CDYL: variants seen among roughly 807,000 people sequenced by gnomAD.
CDYL encodes the protein chromodomain Y like.
In CDYL, 8 loss-of-function variants were observed where a neutral mutation model predicts 47.3. The ratio of observed to expected loss-of-function variants is 0.17; its 90% CI spans 0.10 to 0.31. The LOEUF is 0.31. Ranked by LOEUF, CDYL falls within the 10% of genes least tolerant of loss-of-function variation. The pLI, the probability that CDYL is intolerant of heterozygous loss-of-function variation, is 1.00. For missense variants in CDYL, 471 were observed against 701.4 expected (o/e 0.67, Z 3.71); for synonymous variants, 266 against 265.0 (o/e 1.00, Z -0.04).
chr6:4,911,854 G>T (rs1757423572), intron 2 of CDYL, among the ~76,000 whole-genome samples: 1 of 152,112 alleles, frequency 6.6e-6, no homozygotes, highest in Non-Finnish European at 1.5e-5. Flanking sequence ...CTCAGCGAAG[G>T]AATCAAAAAG....
intron 3 of CDYL, among the ~76,000 whole-genome samples, chr6:4,737,800 C>T (rs1300650465): frequency 6.6e-6 from 1 of 152,046 alleles, no homozygotes; most frequent in East Asian, 1.9e-4. Context: ...GCTGGGATTA[C>T]AGGTGTGAGC....
intron 1 of CDYL, among the ~76,000 whole-genome samples, chr6:4,871,436 C>G (rs761158605): frequency 1.3e-5 from 2 of 152,128 alleles, no homozygotes; most frequent in African/African-American, 4.8e-5. Flanking sequence ...TTGTTCAACC[C>G]GTACTATATC....
intron 2 of CDYL, among the ~76,000 whole-genome samples, chr6:4,928,285 T>A (rs775582886): frequency 6.6e-6 from 1 of 152,202 alleles, no homozygotes; most frequent in Non-Finnish European, 1.5e-5. Context: ...TGAGGGGGGC[T>A]GTCTTTTTAT....
At chr6:4,837,783 C>T (rs905491134) in intron 1 of CDYL, among the ~76,000 whole-genome samples, 12 of 136,652 alleles carry the variant, frequency 8.8e-5, no homozygotes, top group Admixed American at 7.3e-4. Context: ...TTTCTTTTCC[C>T]GTTGGTTTAA....
intron 1 of CDYL, among the ~76,000 whole-genome samples, chr6:4,867,772 G>GTT (rs36074293): frequency 0.034 from 4,431 of 131,988 alleles, 225 homozygotes; most frequent in African/African-American, 0.11. Context: ...TTGTTGTGGG[G>GTT]TTTTTTTTTT....
At chr6:4,797,976 T>C (rs1759123054) in intron 1 of CDYL, among the ~76,000 whole-genome samples, 1 of 152,104 alleles carries the variant, frequency 6.6e-6, no homozygotes, top group Non-Finnish European at 1.5e-5. Flanking sequence ...TTTTTTTCTT[T>C]TCTTCCTTTT....
intron 1 of CDYL, among the ~76,000 whole-genome samples, chr6:4,784,557 T>C (rs953791218): frequency 1.3e-5 from 2 of 152,236 alleles, no homozygotes; most frequent in Non-Finnish European, 2.9e-5. Context: ...TGGATTATAA[T>C]AGTTATAACG....
At chr6:4,753,185 G>C (rs1047297820) in intron 3 of CDYL, among the ~76,000 whole-genome samples, 1 of 152,160 alleles carries the variant, frequency 6.6e-6, no homozygotes, top group African/African-American at 2.4e-5. Flanking sequence ...GTGGGGGATG[G>C]AAAGCATGAG....
rs189323241 is a variant in CDYL at position 4,857,439 on chromosome 6, A to C, written c.25-34274A>C. ...GGGAGGACTTCCCTTCGTGGGGCAA[A>C]ATATGCTGAAATTCTTGAGAAATAA... On this transcript the variant is annotated intron_variant, in intron 1 of 6. Coordinates refer to ENST00000397588, the MANE Select transcript of CDYL (RefSeq NM_004824.4). Among the ~76,000 whole-genome samples the C allele has an allele frequency of 5.3e-5, 8 of 152,292 alleles. No homozygotes were observed. In the East Asian group the frequency reaches 1.5e-3, roughly 29 times the overall value.
intron 3 of CDYL, among the ~76,000 whole-genome samples, chr6:4,755,812 C>A (rs1461128410): frequency 1.3e-5 from 2 of 152,160 alleles, no homozygotes; most frequent in African/African-American, 4.8e-5. Context: ...TGTCTCACAG[C>A]AAGTATACTG....
intron 1 of CDYL, among the ~76,000 whole-genome samples, chr6:4,832,596 G>A (rs1256658404): frequency 1.3e-5 from 2 of 150,904 alleles, no homozygotes; most frequent in African/African-American, 4.9e-5. Flanking sequence ...CTCATAAAAT[G>A]AGTTAGGGAG....
chr6:4,876,654 A>G (rs1761628889), intron 1 of CDYL, among the ~76,000 whole-genome samples: 1 of 151,910 alleles, frequency 6.6e-6, no homozygotes, highest in East Asian at 1.9e-4. Flanking sequence ...ACATTCATAT[A>G]CTTTAGGGAG....
At chr6:4,919,550 C>T (rs1317832531) in intron 2 of CDYL, among the ~76,000 whole-genome samples, 1 of 152,156 alleles carries the variant, frequency 6.6e-6, no homozygotes, top group Admixed American at 6.5e-5. Context: ...TTGAGTGTTA[C>T]ATTGGTGAAA....
chr6:4,939,904 G>A (rs1758313087), intron 4 of CDYL, among the ~76,000 whole-genome samples: 1 of 152,220 alleles, frequency 6.6e-6, no homozygotes, highest in South Asian at 2.1e-4. Flanking sequence ...AAAATCGGAT[G>A]TGTCAGCCAG....
intron 2 of CDYL, among the ~76,000 whole-genome samples, chr6:4,899,577 C>T (rs1295741270): frequency 3.3e-5 from 5 of 152,146 alleles, no homozygotes; most frequent in Non-Finnish European, 7.4e-5. Context: ...GCCGTCTCGG[C>T]CCAGTTTCAT....
chr6:4,797,739 G>C (rs567060077), intron 1 of CDYL, among the ~76,000 whole-genome samples: 1 of 152,160 alleles, frequency 6.6e-6, no homozygotes, highest in Non-Finnish European at 1.5e-5. Flanking sequence ...TCCAAGGTTT[G>C]TGTTGCAGAA....
At chr6:4,752,548 C>G (rs1758011981) in intron 3 of CDYL, among the ~76,000 whole-genome samples, 2 of 152,148 alleles carry the variant, frequency 1.3e-5, no homozygotes, top group African/African-American at 4.8e-5. Flanking sequence ...GCTCTCCTAA[C>G]ACAAACGATT....
intron 5 of CDYL, 93 bp from the exon 6 acceptor site, chr6:4,952,173 G>C (rs974179440): frequency 2.1e-6 from 3 of 1,434,882 alleles, no homozygotes; most frequent in African/African-American, 2.8e-5. Context: ...TGGTATTTGT[G>C]AATGTTTCCC....
intron 1 of CDYL, among the ~76,000 whole-genome samples, chr6:4,790,054 T>TG (rs1758876812): frequency 6.6e-6 from 1 of 152,192 alleles, no homozygotes; most frequent in Non-Finnish European, 1.5e-5. Flanking sequence ...TTTGCTAGGC[T>TG]GGTGTTGTGT....
Sources: allele counts gnomAD v4.1 joint callset (sites outside exome capture counted in the v4.1 genomes callset), GRCh38; gene constraint gnomAD v4.1.1; transcripts MANE v1.5; gene names NCBI Gene and HGNC (gene_info 2026-07-23, HGNC 2026-07-21).